GDA: variants seen among roughly 807,000 people sequenced by gnomAD.
GDA encodes guanine deaminase, also known as cytoplasmic PSD-95 interactor.
GDA carries 18 observed loss-of-function variants against 59.6 expected under a neutral mutation model. That is an observed-to-expected ratio of 0.30 (90% CI 0.21 to 0.45). GDA has a LOEUF of 0.45. GDA is among the 20% of genes least tolerant of loss of function. The probability of loss-of-function intolerance (pLI) is 1.00; values close to 1 mark genes in which losing one functional copy is unlikely to be tolerated. For synonymous variants in GDA, 201 were observed against 201.1 expected, an observed-to-expected ratio of 1.00 and a Z score of 0.00; for missense variants, 427 against 552.3, an observed-to-expected ratio of 0.77 and a Z score of 2.27.
chr9:72,155,021 G>A (rs547904704), intron 1 of GDA, among the ~76,000 whole-genome samples: 13 of 152,298 alleles, frequency 8.5e-5, no homozygotes, highest in African/African-American at 3.1e-4. Flanking sequence ...AACTAGTTAG[G>A]GGAAGGCTTT....
chr9:72,247,895 C>T (rs1840321940), intron 13 of GDA, among the ~76,000 whole-genome samples: 2 of 152,094 alleles, frequency 1.3e-5, no homozygotes, highest in Non-Finnish European at 2.9e-5. Flanking sequence ...ACTGAGTGAA[C>T]TCAAGATGGA....
At chr9:72,253,526 T>G (rs539664001), downstream of GDA, 1 of 152,320 alleles carries the variant, frequency 6.6e-6, no homozygotes, top group African/African-American at 2.4e-5. Flanking sequence ...TGTCCCTTGC[T>G]GCCTATCTGT....
chr9:72,202,495 G>GA (rs1834121896), intron 2 of GDA, 76 bp from the exon 3 acceptor site: 1 of 1,010,622 alleles, frequency 9.9e-7, no homozygotes. Context: ...TCATGCTTGG[G>GA]AAAAAATGTG....
chr9:72,204,397 G>GA (rs1220435284), intron 3 of GDA, among the ~76,000 whole-genome samples: 1 of 151,116 alleles, frequency 6.6e-6, no homozygotes, highest in Non-Finnish European at 1.5e-5. Flanking sequence ...TCAAGGCAAA[G>GA]AAAAAAAAGG....
At chr9:72,141,294 T>A (rs1826431988) in intron 1 of GDA, among the ~76,000 whole-genome samples, 1 of 152,186 alleles carries the variant, frequency 6.6e-6, no homozygotes, top group South Asian at 2.1e-4. Context: ...TTGCATTTTA[T>A]ATGGAAGAGT....
chr9:72,162,496 A>G (rs1447862160), intron 1 of GDA, among the ~76,000 whole-genome samples: 1 of 152,088 alleles, frequency 6.6e-6, no homozygotes, highest in Admixed American at 6.6e-5. Flanking sequence ...AGGCCTATGC[A>G]AAGACCCAGA....
chr9:72,161,143 G>C (rs1223276363), intron 1 of GDA, among the ~76,000 whole-genome samples: 1 of 151,580 alleles, frequency 6.6e-6, no homozygotes, highest in Non-Finnish European at 1.5e-5. Flanking sequence ...CCTGACCTCA[G>C]GTGATCTGCC....
At chr9:72,246,322 A>G (rs1840136172) in intron 12 of GDA, among the ~76,000 whole-genome samples, 1 of 151,990 alleles carries the variant, frequency 6.6e-6, no homozygotes, top group Non-Finnish European at 1.5e-5. Context: ...TAATTTTTGT[A>G]TTTTTGGTAG....
intron 10 of GDA, among the ~76,000 whole-genome samples, chr9:72,234,230 G>C (rs1409901435): frequency 6.6e-6 from 1 of 152,146 alleles, no homozygotes; most frequent in Admixed American, 6.6e-5. Flanking sequence ...GTAGAAATCA[G>C]AAAGTGGTTG....
intron 3 of GDA, among the ~76,000 whole-genome samples, chr9:72,206,510 T>C (rs1223332530): frequency 7.2e-5 from 11 of 152,160 alleles, no homozygotes; most frequent in African/African-American, 2.4e-4. Flanking sequence ...CGGTGGCTCA[T>C]GCCTGTAATC....
intron 1 of GDA, among the ~76,000 whole-genome samples, chr9:72,187,933 A>G (rs1043635757): frequency 1.3e-5 from 2 of 152,226 alleles, no homozygotes; most frequent in South Asian, 2.1e-4. Flanking sequence ...AAATGTGTCT[A>G]TAACTGAGGG....
intron 1 of GDA, among the ~76,000 whole-genome samples, chr9:72,165,562 A>C (rs1258329459): frequency 6.6e-6 from 1 of 152,204 alleles, no homozygotes; most frequent in Non-Finnish European, 1.5e-5. Flanking sequence ...TATGTGAGGT[A>C]TGTGTAGGGA....
intron 1 of GDA, among the ~76,000 whole-genome samples, chr9:72,144,164 G>A (rs935231822): frequency 3.9e-5 from 6 of 152,220 alleles, no homozygotes; most frequent in African/African-American, 1.4e-4. Context: ...AGAGGTTGCA[G>A]TGTGCTGAGA....
chr9:72,189,458 G>A (rs183756853), intron 1 of GDA, among the ~76,000 whole-genome samples: 51 of 152,048 alleles, frequency 3.4e-4, no homozygotes, highest in Non-Finnish European at 1.0e-4. Context: ...GATTACAGGC[G>A]TAAGCCACCA....
chr9:72,249,476 A>G lies in GDA; in HGVS notation c.*1134A>G, dbSNP rs140969286. 3 of 735,302 alleles carry G rather than the reference A, an allele frequency of 4.1e-6. No homozygotes were observed. Among genetic ancestry groups the G allele is most frequent in the Admixed American group, 1.3e-4 (2 of 15,942 alleles). 45.5% of individuals were successfully genotyped at this position (735,302 alleles called of 1,614,324 possible). On this transcript the variant is annotated 3_prime_UTR_variant, in exon 14 of 14. Coordinates refer to ENST00000358399, the MANE Select transcript of GDA (RefSeq NM_004293.5). Reference sequence around the variant, plus strand: ...TTCTGTTTAACTCCTTATAATGTTTAGGATATTAAAATTTTAGGATAATGA... The same window carrying G: ...TTCTGTTTAACTCCTTATAATGTTTGGGATATTAAAATTTTAGGATAATGA...
chr9:72,229,362 AAAAC>A lies in GDA; in HGVS notation c.920+1342_920+1345del, dbSNP rs141650078. Among the ~76,000 whole-genome samples the A allele has an allele frequency of 4.4e-3, 673 of 152,020 alleles. 6 individuals are homozygous for A. The highest frequency in any genetic ancestry group is 0.015 in the African/African-American group (621 of 41,458). The stretch of plus-strand genomic sequence containing the variant: ...CAAGACTCCATCTCAAAAACAAAAC[AAAAC>A]AAACAAACAAACAAACAAAACCTTC... On this transcript the variant is annotated intron_variant, in intron 9 of 13. Coordinates refer to ENST00000358399, the MANE Select transcript of GDA (RefSeq NM_004293.5).
At chr9:72,118,122 A>G (rs1384739864) in intron 1 of GDA, among the ~76,000 whole-genome samples, 1 of 151,758 alleles carries the variant, frequency 6.6e-6, no homozygotes, top group Non-Finnish European at 1.5e-5. Context: ...AATACAAAAA[A>G]TTAGGCGGGC....
chr9:72,124,599 C>T (rs1296441141), intron 1 of GDA, among the ~76,000 whole-genome samples: 1 of 152,072 alleles, frequency 6.6e-6, no homozygotes, highest in African/African-American at 2.4e-5. Flanking sequence ...GATGTTGGCA[C>T]CTGTCAAACA....
At chr9:72,160,240 C>T (rs1046834964) in intron 1 of GDA, among the ~76,000 whole-genome samples, 1 of 152,078 alleles carries the variant, frequency 6.6e-6, no homozygotes, top group African/African-American at 2.4e-5. Context: ...ACCCGGGAGG[C>T]GGAGCTTGCA....
Sources: allele counts gnomAD v4.1 joint callset (sites outside exome capture counted in the v4.1 genomes callset), GRCh38; gene constraint gnomAD v4.1.1; transcripts MANE v1.5; gene names NCBI Gene and HGNC (gene_info 2026-07-23, HGNC 2026-07-21).